Variants in TMBIM4 observed in about 807,000 individuals in gnomAD.
TMBIM4 encodes the protein protein lifeguard 4.
In TMBIM4, 28 loss-of-function variants were observed where a neutral mutation model predicts 27.7. That is an observed-to-expected ratio of 1.01 (90% CI 0.75 to 1.38). The LOEUF (loss-of-function observed/expected upper bound fraction) is 1.38, where lower values mean the gene tolerates loss of function less well. Among genes scored for constraint, TMBIM4 ranks in the 40% most tolerant of loss-of-function variants. TMBIM4 has a pLI of 0.00. For synonymous variants in TMBIM4, 115 were observed against 113.1 expected (o/e 1.02, Z -0.11); for missense variants, 265 against 277.5 (o/e 0.95, Z 0.32).
At chr12:66,141,846 G>A (rs998422396) in intron 5 of TMBIM4, among the ~76,000 whole-genome samples, 2 of 152,010 alleles carry the variant, frequency 1.3e-5, no homozygotes, top group Non-Finnish European at 2.9e-5. Flanking sequence ...CAAAATTATA[G>A]AATTTACATA....
intron 1 of TMBIM4, among the ~76,000 whole-genome samples, chr12:66,155,361 G>GAGAGAGAGAGAGAGAGAGAGAGAGAGT (rs1353460191): frequency 2.6e-5 from 2 of 78,122 alleles, no homozygotes; most frequent in African/African-American, 3.7e-5. Context: ...AGAGAGAGAG[G>GAGAGAGAGAGAGAGAGAGAGAGAGAGT]CAGGGTCTCA....
intron 1 of TMBIM4, among the ~76,000 whole-genome samples, chr12:66,162,055 CTG>C (rs929544064): frequency 2.7e-5 from 4 of 148,942 alleles, no homozygotes; most frequent in African/African-American, 1.0e-4. Flanking sequence ...TTCTACTACA[CTG>C]TACTATTCCC....
chr12:66,154,732 A>C (rs2051904415), intron 1 of TMBIM4, among the ~76,000 whole-genome samples: 1 of 152,230 alleles, frequency 6.6e-6, no homozygotes, highest in Non-Finnish European at 1.5e-5. Flanking sequence ...TTTCCAAGGA[A>C]GGGTGAAGTG....
At chr12:66,161,631 C>T (rs915557792) in intron 1 of TMBIM4, among the ~76,000 whole-genome samples, 6 of 152,150 alleles carry the variant, frequency 3.9e-5, no homozygotes, top group African/African-American at 1.2e-4. Context: ...GTGTAGTCAG[C>T]TTAAGTTACC....
chr12:66,148,794 T>C (rs562064318), intron 3 of TMBIM4, among the ~76,000 whole-genome samples: 14 of 152,358 alleles, frequency 9.2e-5, no homozygotes, highest in African/African-American at 3.4e-4. Flanking sequence ...CAGAAGTAGC[T>C]GAACCCATAT....
At chr12:66,155,333 T>TGAGAGAGAGAGAGAGAGAGAGAGA (rs1395788670) in intron 1 of TMBIM4, among the ~76,000 whole-genome samples, 79 of 72,652 alleles carry the variant, frequency 1.1e-3, no homozygotes, top group Non-Finnish European at 2.1e-3. Flanking sequence ...TGTGCACACG[T>TGAGAGAGAGAGAGAGAGAGAGAGA]GTGAGAGAGA....
chr12:66,158,705 A>C (rs1019654751), intron 1 of TMBIM4, among the ~76,000 whole-genome samples: 1 of 152,118 alleles, frequency 6.6e-6, no homozygotes, highest in African/African-American at 2.4e-5. Flanking sequence ...GTTGTCACTC[A>C]GCAGTCTCAG....
intron 1 of TMBIM4, among the ~76,000 whole-genome samples, chr12:66,164,352 C>T (rs571213802): frequency 5.9e-5 from 9 of 152,152 alleles, no homozygotes; most frequent in Admixed American, 3.9e-4. Flanking sequence ...AGTGGATCTA[C>T]GGGCCATAAA....
chr12:66,154,238 C>G (rs559434183), intron 1 of TMBIM4, among the ~76,000 whole-genome samples: 7 of 152,292 alleles, frequency 4.6e-5, no homozygotes, highest in African/African-American at 1.7e-4. Flanking sequence ...TTTCTCAGTT[C>G]CGCATTCTGA....
chr12:66,147,603 TTGA>T (rs1468387941), intron 4 of TMBIM4, among the ~76,000 whole-genome samples: 1 of 152,200 alleles, frequency 6.6e-6, no homozygotes, highest in African/African-American at 2.4e-5. Flanking sequence ...TCTCAGTTAC[TTGA>T]TGATAACTTT....
Position 66,161,468 on chromosome 12 carries a change from C to T in TMBIM4, c.98-8020G>A, listed in dbSNP as rs144556309. Among the ~76,000 whole-genome samples the T allele has an allele frequency of 3.7e-4, 57 of 152,284 alleles. 1 individual carries two copies. Among genetic ancestry groups the T allele is most frequent in the Middle Eastern group, 3.4e-3 (1 of 294 alleles). ...GTTGCATAGGCTAGTCTCGAACTTA[C>T]GCAATCTGCTCACCTTGGCCTCCCA... On this transcript the variant is annotated intron_variant, in intron 1 of 6. Coordinates refer to ENST00000358230, the MANE Select transcript of TMBIM4 (RefSeq NM_016056.4).
chr12:66,138,597 A>C, intron 6 of TMBIM4, 127 bp downstream of exon 6: 1 of 662,410 alleles, frequency 1.5e-6, no homozygotes. Flanking sequence ...ATCATTCTAT[A>C]TACAAATGTT....
Position 66,138,084 on chromosome 12 carries a change from G to A in TMBIM4, c.593C>T (p.Thr198Ile). The A allele has an allele frequency of 6.2e-7, 1 of 1,613,998 alleles. No individual in the cohort carries two copies. The highest frequency in any genetic ancestry group is 1.6e-4 in the Middle Eastern group (1 of 6,062). ...LLFCGFIIYDTHSLMHKLSPE... is the reference protein window; with the variant it reads ...LLFCGFIIYDIHSLMHKLSPE... ...TGACAGTTTATGCATCAGTGAGTGT[G>A]TGTCATAGATGATGAATCCACAGAA... The change falls in exon 7 of 7, where the codon ACA (threonine) becomes ATA (isoleucine). Residue 198 changes from threonine to isoleucine, a missense_variant. Thr to Ile is a moderately conservative substitution (Grantham distance 89, BLOSUM62 -1). Coordinates refer to ENST00000358230, the MANE Select transcript of TMBIM4 (RefSeq NM_016056.4).
intron 1 of TMBIM4, among the ~76,000 whole-genome samples, chr12:66,158,231 A>G (rs2051973872): frequency 6.6e-6 from 1 of 151,426 alleles, no homozygotes; most frequent in Non-Finnish European, 1.5e-5. Flanking sequence ...GTCTCACAAA[A>G]AAAAAAAAAA....
rs549366853 is a variant in TMBIM4 at position 66,142,598 on chromosome 12, A to C, written c.464+3243T>G. 2.6e-5 allele frequency among the ~76,000 whole-genome samples: 4 copies of C among 152,122 alleles called. 1 individual carries two copies. The East Asian group carries it at 7.7e-4, about 29-fold the overall frequency. On this transcript the variant is annotated intron_variant, in intron 5 of 6. Transcript: ENST00000358230. ...TTGTGTTACAAGAGAGGAACCTTGA[A>C]TTTAGGGAAGCAAGTCTTTTTTATA...
rs1281574234 is a variant in TMBIM4, at chr12:66,136,169, T to A, written c.*1791A>T. On this transcript the variant is annotated 3_prime_UTR_variant, in exon 7 of 7. Coordinates refer to ENST00000358230, the MANE Select transcript of TMBIM4 (RefSeq NM_016056.4). ...TAGTTTATTTATCTATCTCATTTAA[T>A]CCTTATAACAGCCCAATAAGCTAGA... is the stretch of plus-strand genomic sequence containing the variant. 6.6e-6 allele frequency: 1 copy of A among 151,526 alleles called. No individual in the cohort carries two copies. The highest frequency in any genetic ancestry group is 1.5e-5 in the Non-Finnish European group (1 of 67,846). The allele number at this position is 151,526 out of a possible 1,614,324, so 9.4% of individuals were successfully genotyped here.
chr12:66,146,957 C>T (rs930789283), intron 4 of TMBIM4, among the ~76,000 whole-genome samples: 1 of 152,056 alleles, frequency 6.6e-6, no homozygotes, highest in Non-Finnish European at 1.5e-5. Flanking sequence ...TGTTTTTCTA[C>T]CCCCAATTCC....
chr12:66,143,459 A>G (rs1296687558), intron 5 of TMBIM4, among the ~76,000 whole-genome samples: 1 of 152,164 alleles, frequency 6.6e-6, no homozygotes, highest in East Asian at 1.9e-4. Context: ...TGTGGTGTAC[A>G]TACATCCTTC....
At chr12:66,148,671 G>A (rs532748541) in intron 3 of TMBIM4, among the ~76,000 whole-genome samples, 1 of 152,270 alleles carries the variant, frequency 6.6e-6, no homozygotes, top group South Asian at 2.1e-4. Flanking sequence ...CTGGACCTTA[G>A]CAGAAGCGTG....
Sources: gnomAD v4.1 joint callset for allele counts (sites outside exome capture counted in the v4.1 genomes callset) on GRCh38, gnomAD v4.1.1 for gene constraint, MANE v1.5 for transcripts, NCBI Gene and HGNC (gene_info 2026-07-23, HGNC 2026-07-21) for gene names.